Variants in BCAS3 observed in about 807,000 individuals in gnomAD.
The protein encoded by BCAS3 is BCAS4/BCAS3 fusion.
Under a neutral mutation model 116.1 loss-of-function variants are expected in BCAS3, and 53 were observed. That is an observed-to-expected ratio of 0.46 (90% CI 0.37 to 0.57). The LOEUF (loss-of-function observed/expected upper bound fraction) is 0.57. BCAS3 is among the 20% of genes least tolerant of loss of function. The probability of loss-of-function intolerance (pLI) is 0.00; values close to 1 mark genes in which losing one functional copy is unlikely to be tolerated. For synonymous variants in BCAS3, 391 were observed against 408.2 expected (o/e 0.96, Z 0.51); for missense variants, 917 against 1,165.4 (o/e 0.79, Z 3.10).
intron 6 of BCAS3, among the ~76,000 whole-genome samples, chr17:60,787,166 A>G (rs995149905): frequency 6.6e-6 from 1 of 152,200 alleles, no homozygotes; most frequent in Admixed American, 6.5e-5. Flanking sequence ...AGCATAATTT[A>G]TGGTAGATAA....
rs1184183062 is a variant in BCAS3, at chr17:61,053,586, C to G, written c.2029+12694C>G. 2.0e-5 allele frequency among the ~76,000 whole-genome samples: 3 copies of G among 152,214 alleles called. No homozygotes were observed. In the South Asian group the frequency reaches 6.2e-4, roughly 32 times the overall value. On this transcript the variant is annotated intron_variant, in intron 19 of 23. Coordinates refer to ENST00000407086, the MANE Select transcript of BCAS3 (RefSeq NM_017679.5). ...TTTCAAATGTCACATTAGATTTAACCTAACATCCTGGATTGCATTGCTGTT... is the reference window on the plus strand; with the variant it reads ...TTTCAAATGTCACATTAGATTTAACGTAACATCCTGGATTGCATTGCTGTT...
intron 15 of BCAS3, among the ~76,000 whole-genome samples, chr17:61,009,095 T>C (rs1272606291): frequency 2.0e-5 from 3 of 152,056 alleles, no homozygotes; most frequent in Admixed American, 2.0e-4. Flanking sequence ...GGAAGGTGTC[T>C]ATTGTAAACC....
chr17:60,875,577 T>C lies in BCAS3; in HGVS notation c.661+839T>C, dbSNP rs552088051. On this transcript the variant is annotated intron_variant, in intron 9 of 23. Coordinates refer to ENST00000407086, the MANE Select transcript of BCAS3 (RefSeq NM_017679.5). ...CTTTTACTTAGAAGAGAGAATAGTGTATGTATTCTTAGTTTTTATTGCTAT... is the reference window on the plus strand; with the variant it reads ...CTTTTACTTAGAAGAGAGAATAGTGCATGTATTCTTAGTTTTTATTGCTAT... Among the ~76,000 whole-genome samples, 3 of 152,210 alleles carry C rather than the reference T, an allele frequency of 2.0e-5. No individual in the cohort carries two copies. The South Asian group carries it at 6.2e-4, about 32-fold the overall frequency.
chr17:60,937,994 C>CT (rs2060023458), intron 13 of BCAS3, among the ~76,000 whole-genome samples: 1 of 151,516 alleles, frequency 6.6e-6, no homozygotes. Context: ...TATCCTTAGA[C>CT]TTTTCCAATT....
At chr17:60,779,629 A>G (rs182691077) in intron 6 of BCAS3, among the ~76,000 whole-genome samples, 72 of 152,340 alleles carry the variant, frequency 4.7e-4, no homozygotes, top group African/African-American at 1.6e-3. Context: ...TTGGCCTCCC[A>G]AAGTACTGGG....
At chr17:60,698,293 TATA>T (rs976721430) in intron 4 of BCAS3, among the ~76,000 whole-genome samples, 6 of 151,872 alleles carry the variant, frequency 4.0e-5, no homozygotes, top group Non-Finnish European at 8.8e-5. Flanking sequence ...TACTTAAATG[TATA>T]ATAACTTTGA....
At chr17:60,881,060 C>T (rs142389449) in intron 9 of BCAS3, among the ~76,000 whole-genome samples, 4,697 of 152,156 alleles carry the variant, frequency 0.031, 183 homozygotes, top group East Asian at 0.091. Flanking sequence ...CTGCAAGCTC[C>T]GCCTCCTGGG....
chr17:60,929,285 C>T (rs551928027), intron 13 of BCAS3, among the ~76,000 whole-genome samples: 78 of 152,114 alleles, frequency 5.1e-4, no homozygotes, highest in African/African-American at 1.3e-3. Flanking sequence ...ATTACCTGGG[C>T]GTGGTGGCAC....
chr17:61,158,961 C>A (rs576571413), intron 22 of BCAS3, among the ~76,000 whole-genome samples: 9 of 152,242 alleles, frequency 5.9e-5, no homozygotes, highest in African/African-American at 1.9e-4. Context: ...ATTTTCTTCA[C>A]ACAATTTAAC....
intron 13 of BCAS3, among the ~76,000 whole-genome samples, chr17:60,933,289 CAT>C (rs2059757265): frequency 2.0e-5 from 3 of 152,280 alleles, no homozygotes; most frequent in African/African-American, 7.2e-5. Context: ...TCGTTAGAAA[CAT>C]AAGGAAGAAA....
At chr17:60,710,228 A>G (rs1474906870) in intron 5 of BCAS3, among the ~76,000 whole-genome samples, 1 of 152,142 alleles carries the variant, frequency 6.6e-6, no homozygotes, top group African/African-American at 2.4e-5. Context: ...TTGAAGCCCC[A>G]TGAGTATGTG....
At chr17:61,172,721 C>T (rs981129444) in intron 22 of BCAS3, among the ~76,000 whole-genome samples, 17 of 151,376 alleles carry the variant, frequency 1.1e-4, no homozygotes, top group Non-Finnish European at 2.4e-4. Context: ...CGCGGTGGCT[C>T]ATGCCTTTAA....
chr17:61,022,655 A>G (rs765751432), intron 16 of BCAS3, among the ~76,000 whole-genome samples: 30 of 152,116 alleles, frequency 2.0e-4, no homozygotes, highest in Admixed American at 9.2e-4. Context: ...AACATTATCA[A>G]TGTTTTTTTC....
chr17:61,111,195 G>C (rs1023600389), intron 22 of BCAS3, among the ~76,000 whole-genome samples: 4 of 151,980 alleles, frequency 2.6e-5, no homozygotes, highest in African/African-American at 9.7e-5. Flanking sequence ...TCCTCCAAAG[G>C]AACGCAGTTC....
Position 60,856,447 on chromosome 17 carries a change from C to T in BCAS3, c.477-12129C>T, listed in dbSNP as rs141961127. 1.0e-3 allele frequency among the ~76,000 whole-genome samples: 152 copies of T among 152,104 alleles called. 2 individuals are homozygous for T. In the East Asian group the frequency reaches 0.02, roughly 20 times the overall value. ...CTCATGCCTGTATTCCCAGCACTTT[C>T]GGGGGCCAAGGCAGGTGGATTACAT... On this transcript the variant is annotated intron_variant, in intron 7 of 23. Transcript: ENST00000407086.
Position 61,186,206 on chromosome 17 carries a change from G to A in BCAS3, c.2425+101642G>A, listed in dbSNP as rs551054768. Among the ~76,000 whole-genome samples, 27 of 151,970 alleles carry A rather than the reference G, an allele frequency of 1.8e-4. 1 individual carries two copies. The highest frequency in any genetic ancestry group is 4.8e-4 in the African/African-American group (20 of 41,462). ...CATTCTATAAAATCATTTTTAACCC[G>A]TATGTTAAGGTTGTCTTTGATATGA... On this transcript the variant is annotated intron_variant, in intron 22 of 23. Transcript: ENST00000407086. This position sits in a 1 kb window ranked among gnomAD's most constrained non-coding sequence, Gnocchi z 4.9.
intron 15 of BCAS3, among the ~76,000 whole-genome samples, chr17:60,997,957 A>G (rs1035397054): frequency 7.2e-5 from 11 of 152,158 alleles, no homozygotes; most frequent in African/African-American, 2.7e-4. Context: ...CACATAGTGA[A>G]CATAGTACCC....
At chr17:60,779,046 A>G (rs1317826399) in intron 6 of BCAS3, among the ~76,000 whole-genome samples, 1 of 152,118 alleles carries the variant, frequency 6.6e-6, no homozygotes, top group East Asian at 1.9e-4. Flanking sequence ...ATTTGTCTTA[A>G]TGCAGCCTTG....
intron 15 of BCAS3, among the ~76,000 whole-genome samples, chr17:60,991,841 A>C (rs985042087): frequency 6.6e-6 from 1 of 151,768 alleles, no homozygotes; most frequent in African/African-American, 2.4e-5. Flanking sequence ...TGTCCTGTAT[A>C]TTTTATATAA....
Sources: gnomAD v4.1 joint callset for allele counts (sites outside exome capture counted in the v4.1 genomes callset) on GRCh38, gnomAD v4.1.1 for gene constraint, Gnocchi (gnomAD v3.1) non-coding constraint, MANE v1.5 for transcripts, NCBI Gene and HGNC (gene_info 2026-07-23, HGNC 2026-07-21) for gene names.